Variants in RSPO2 observed in about 807,000 individuals in gnomAD.
RSPO2 encodes R-spondin-2.
A neutral mutation model predicts 30.9 loss-of-function variants in RSPO2; 14 were observed. The ratio of observed to expected loss-of-function variants is 0.45; its 90% confidence interval spans 0.30 to 0.71. The LOEUF is 0.71. Ranked by LOEUF, RSPO2 falls within the 30% of genes least tolerant of loss-of-function variation. The pLI is 0.08. For missense variants in RSPO2, 264 were observed against 301.9 expected (o/e 0.87, Z 0.93); for synonymous variants, 107 against 96.4 (o/e 1.11, Z -0.64).
intron 2 of RSPO2, among the ~76,000 whole-genome samples, chr8:108,040,131 T>C (rs1811708191): frequency 6.6e-6 from 1 of 152,070 alleles, no homozygotes. Context: ...ATAAATAGTA[T>C]AATCAAGGGG....
At chr8:107,940,305 ATG>A (rs1215293400) in intron 5 of RSPO2, among the ~76,000 whole-genome samples, 1 of 69,742 alleles carries the variant, frequency 1.4e-5, no homozygotes, top group Non-Finnish European at 3.2e-5. Context: ...CAAGTTAAGT[ATG>A]TGTGTTTTAT....
chr8:108,047,400 TGAA>T (rs1181548178), intron 2 of RSPO2, among the ~76,000 whole-genome samples: 1 of 152,224 alleles, frequency 6.6e-6, no homozygotes, highest in African/African-American at 2.4e-5. Context: ...GTGATAATGA[TGAA>T]GAATTGGCAC....
chr8:108,022,386 T>C (rs1212306234), intron 2 of RSPO2, among the ~76,000 whole-genome samples: 1 of 152,158 alleles, frequency 6.6e-6, no homozygotes, highest in African/African-American at 2.4e-5. Context: ...CTTAAAGTCA[T>C]CAACCTGGCC....
At chr8:107,951,175 C>A (rs1048559051) in intron 5 of RSPO2, among the ~76,000 whole-genome samples, 2 of 151,892 alleles carry the variant, frequency 1.3e-5, no homozygotes, top group African/African-American at 2.4e-5. Context: ...TCTGCCTCAG[C>A]CTCCCAAGTA....
intron 5 of RSPO2, among the ~76,000 whole-genome samples, chr8:107,947,074 A>G (rs1348205968): frequency 6.6e-6 from 1 of 152,226 alleles, no homozygotes; most frequent in Admixed American, 6.5e-5. Context: ...CTGATTAGCT[A>G]CATGGTTTTC....
intron 2 of RSPO2, among the ~76,000 whole-genome samples, chr8:108,072,424 C>T (rs905636257): frequency 7.0e-6 from 1 of 142,336 alleles, no homozygotes; most frequent in East Asian, 2.2e-4. Context: ...CTCCCGGGTT[C>T]ACGCCATTCT....
intron 2 of RSPO2, among the ~76,000 whole-genome samples, chr8:108,047,077 G>A (rs1489319317): frequency 6.6e-6 from 1 of 152,208 alleles, no homozygotes; most frequent in African/African-American, 2.4e-5. Context: ...TGAGTGGTAA[G>A]CAGGGCTGAG....
intron 2 of RSPO2, among the ~76,000 whole-genome samples, chr8:108,012,412 G>A (rs1438417511): frequency 6.6e-6 from 1 of 152,142 alleles, no homozygotes; most frequent in East Asian, 1.9e-4. Context: ...TTGCTGTAAG[G>A]CATTCAGATC....
chr8:107,975,274 G>A (rs1029034381), intron 3 of RSPO2, among the ~76,000 whole-genome samples: 24 of 152,164 alleles, frequency 1.6e-4, no homozygotes, highest in African/African-American at 5.5e-4. Flanking sequence ...TGTAAAAATA[G>A]TTTCAATTTA....
chr8:108,065,720 C>T (rs1215972617), intron 2 of RSPO2, among the ~76,000 whole-genome samples: 1 of 151,760 alleles, frequency 6.6e-6, no homozygotes, highest in Non-Finnish European at 1.5e-5. Context: ...ATCTCTAGGC[C>T]CCTTCTTTAT....
chr8:107,958,879 G>T (rs62535482), intron 4 of RSPO2, among the ~76,000 whole-genome samples: 2 of 152,070 alleles, frequency 1.3e-5, no homozygotes, highest in Non-Finnish European at 2.9e-5. Context: ...ACTTGATCTC[G>T]TTCTTTTTTA....
chr8:107,906,394 T>C (rs1452543281), intron 5 of RSPO2, among the ~76,000 whole-genome samples: 1 of 151,264 alleles, frequency 6.6e-6, no homozygotes, highest in Admixed American at 6.6e-5. Flanking sequence ...GCATTTTATA[T>C]TTTTATATTT....
rs80240899 is a variant in RSPO2 at position 107,982,132 on chromosome 8, A to G, written c.283+6924T>C. On this transcript the variant is annotated intron_variant, in intron 3 of 5. Transcript: ENST00000276659. ...GTCAAAACAAGGGTAGAATCATAAA[A>G]TGTAGCAGAAATAGTTAAAATGTAG... Among the ~76,000 whole-genome samples, 417 of 152,294 alleles carry G rather than the reference A, an allele frequency of 2.7e-3. 17 individuals carry two copies. The South Asian group carries it at 0.067, about 24-fold the overall frequency.
chr8:108,027,647 G>A (rs1394688358), intron 2 of RSPO2, among the ~76,000 whole-genome samples: 2 of 152,068 alleles, frequency 1.3e-5, no homozygotes, highest in African/African-American at 4.8e-5. Flanking sequence ...AACATACTAG[G>A]ATAGTTTTGG....
Position 107,998,190 on chromosome 8 carries a change from TA to T in RSPO2, c.95-8947del, listed in dbSNP as rs1321014940. Among the ~76,000 whole-genome samples the T allele has an allele frequency of 2.0e-5, 3 of 151,310 alleles. No homozygotes were observed. In the East Asian group the frequency reaches 5.8e-4, roughly 29 times the overall value. Reference sequence around the variant, plus strand: ...TAACCTCAAGTTCAAGATATGTATTTAAGGAAGAAAAAAAAAAACCCATAGA... The same window carrying T: ...TAACCTCAAGTTCAAGATATGTATTTAGGAAGAAAAAAAAAAACCCATAGA... On this transcript the variant is annotated intron_variant, in intron 2 of 5. Coordinates refer to ENST00000276659, the MANE Select transcript of RSPO2 (RefSeq NM_178565.5).
chr8:107,993,990 CCT>C (rs1814932680), intron 2 of RSPO2, among the ~76,000 whole-genome samples: 2 of 151,992 alleles, frequency 1.3e-5, no homozygotes, highest in African/African-American at 2.4e-5. Flanking sequence ...CTGCAAAGAC[CCT>C]GTTTCCAAAA....
chr8:108,042,512 C>G (rs570023997), intron 2 of RSPO2, among the ~76,000 whole-genome samples: 16 of 152,220 alleles, frequency 1.1e-4, no homozygotes, highest in African/African-American at 3.4e-4. Context: ...CATTACAGCT[C>G]AATACCCGTG....
At chr8:107,972,081 T>C (rs1179724078) in intron 3 of RSPO2, among the ~76,000 whole-genome samples, 2 of 152,186 alleles carry the variant, frequency 1.3e-5, no homozygotes, top group African/African-American at 4.8e-5. Context: ...ACATGACAGA[T>C]GATGATAGAT....
intron 2 of RSPO2, among the ~76,000 whole-genome samples, chr8:108,023,531 A>C (rs1811116044): frequency 6.6e-6 from 1 of 152,264 alleles, no homozygotes; most frequent in Non-Finnish European, 1.5e-5. Context: ...GAATGTGAAT[A>C]CAAGAGAAAG....
Sources: allele counts gnomAD v4.1 joint callset (sites outside exome capture counted in the v4.1 genomes callset), GRCh38; gene constraint gnomAD v4.1.1; transcripts MANE v1.5; gene names NCBI Gene and HGNC (gene_info 2026-07-23, HGNC 2026-07-21).